The following SAMHD1 variants were observed in gnomAD, a reference collection of about 807,000 sequenced individuals.
The protein encoded by SAMHD1 is SAM and HD domain containing deoxynucleoside triphosphate triphosphohydrolase 1.
SAMHD1 carries 54 observed loss-of-function variants against 79.6 expected under a neutral mutation model. That is an observed-to-expected ratio of 0.68 (90% CI 0.55 to 0.85). The LOEUF is 0.85. Among genes scored for constraint, SAMHD1 ranks in the 40% least tolerant of loss-of-function variants. The pLI is 0.00. For missense variants in SAMHD1, 663 were observed against 782.7 expected (o/e 0.85, Z 1.82); for synonymous variants, 260 against 264.1 (o/e 0.98, Z 0.15).
intron 7 of SAMHD1, 149 bp downstream of exon 7, chr20:36,919,215 T>G: frequency 1.4e-6 from 1 of 719,580 alleles, no homozygotes; most frequent in Admixed American, 2.9e-5. Context: ...AATATAAGCC[T>G]TTTATTTTTT....
intron 15 of SAMHD1, 108 bp from the exon 16 acceptor site, chr20:36,893,174 G>T: frequency 7.3e-7 from 1 of 1,375,036 alleles, no homozygotes; most frequent in Non-Finnish European, 1.0e-6. Flanking sequence ...CATATAGATT[G>T]CTTCTAGCTG....
intron 7 of SAMHD1, chr20:36,917,361 T>C: frequency 3.1e-6 from 1 of 326,140 alleles, no homozygotes; most frequent in Admixed American, 4.5e-5. Context: ...TTTTGAAAAA[T>C]ATAAAATCTA....
intron 12 of SAMHD1, chr20:36,904,567 A>C (rs557924586): frequency 5.9e-6 from 2 of 337,198 alleles, no homozygotes; most frequent in East Asian, 7.7e-5. Context: ...AAATACAAAA[A>C]TTAGCTGGGC....
chr20:36,905,564 T>C lies in SAMHD1; in HGVS notation c.1271-61A>G, dbSNP rs117775256. ...AAAAACACAGAGTTAAAGAATTATA[T>C]AGTGCTATTCTATTGAAATGATCTT... On this transcript the variant is annotated intron_variant, in intron 11 of 15. Transcript: ENST00000646673. The C allele has an allele frequency of 9.1e-4, 1,238 of 1,363,084 alleles. 27 individuals carry two copies. The East Asian group carries it at 0.028, about 31-fold the overall frequency. The allele number at this position is 1,363,084 out of a possible 1,614,324, so 84.4% of individuals were successfully genotyped here. A position where few individuals can be genotyped will look rare whatever the true frequency, so the allele number is the denominator to read the frequency against.
rs765573291 is a variant in SAMHD1, at chr20:36,898,390, A to C, written c.1608+50T>G. The C allele has an allele frequency of 7.3e-6, 10 of 1,365,664 alleles. 1 individual carries two copies. The South Asian group carries it at 1.2e-4, about 16-fold the overall frequency. 84.6% of individuals were successfully genotyped at this position (1,365,664 alleles called of 1,614,324 possible). A position where few individuals can be genotyped will look rare whatever the true frequency, so the allele number is the denominator to read the frequency against. On this transcript the variant is annotated intron_variant, in intron 14 of 15. Transcript: ENST00000646673. Reference sequence around the variant, plus strand: ...GCATATAAAATGCTAATTTACTATAAAGATTTGCTACATGCCACTATAGTA... The same window carrying C: ...GCATATAAAATGCTAATTTACTATACAGATTTGCTACATGCCACTATAGTA...
chr20:36,930,635 A>G (rs922805509), intron 5 of SAMHD1, 125 bp downstream of exon 5: 7 of 765,934 alleles, frequency 9.1e-6, no homozygotes, highest in Non-Finnish European at 1.2e-5. Context: ...CATTTATACT[A>G]ACATCAACTG....
chr20:36,918,573 G>A (rs1187273694), intron 7 of SAMHD1, among the ~76,000 whole-genome samples: 5 of 151,670 alleles, frequency 3.3e-5, no homozygotes, highest in African/African-American at 7.3e-5. Flanking sequence ...AGGCTGAGGC[G>A]GGTGGATCAC....
rs567559677 is a variant in SAMHD1, at chr20:36,928,610, G to A, written c.626-1358C>T. Among the ~76,000 whole-genome samples the A allele has an allele frequency of 4.6e-5, 7 of 151,796 alleles. No homozygotes were observed. In the East Asian group the frequency reaches 5.8e-4, roughly 13 times the overall value. On this transcript the variant is annotated intron_variant, in intron 5 of 15. Coordinates refer to ENST00000646673, the MANE Select transcript of SAMHD1 (RefSeq NM_015474.4). ...TGAGGCAGGAGAATCGCTTGAACCC[G>A]GGAGGCGGAGGTTGCAGTGAGCCGA...
At chr20:36,906,048 G>T (rs140870106) in intron 11 of SAMHD1, among the ~76,000 whole-genome samples, 115 of 152,256 alleles carry the variant, frequency 7.6e-4, no homozygotes, top group African/African-American at 2.6e-3. Flanking sequence ...AGGATAGAGA[G>T]AAATAAGACT....
At chr20:36,921,406 A>AC (rs1005031180) in intron 6 of SAMHD1, among the ~76,000 whole-genome samples, 1 of 151,634 alleles carries the variant, frequency 6.6e-6, no homozygotes, top group Non-Finnish European at 1.5e-5. Flanking sequence ...AAAAAAAAAA[A>AC]AAAAAACGAA....
intron 3 of SAMHD1, among the ~76,000 whole-genome samples, chr20:36,939,075 CAAAAAAAAAA>C (rs1178988134): frequency 3.6e-4 from 8 of 22,532 alleles, no homozygotes; most frequent in Admixed American, 9.0e-4. Flanking sequence ...CTAAAAATAC[CAAAAAAAAAA>C]AAAAAAAAAA....
intron 3 of SAMHD1, among the ~76,000 whole-genome samples, chr20:36,938,056 G>A (rs2063616483): frequency 6.6e-6 from 1 of 151,656 alleles, no homozygotes; most frequent in African/African-American, 2.4e-5. Context: ...GTTTGTAGAT[G>A]GAGTTTCACC....
At chr20:36,944,154 T>C (rs2063667976) in intron 2 of SAMHD1, among the ~76,000 whole-genome samples, 1 of 149,340 alleles carries the variant, frequency 6.7e-6, no homozygotes, top group South Asian at 2.1e-4. Flanking sequence ...GAGACCATCC[T>C]GGCTAACACG....
At chr20:36,951,405 C>T in intron 1 of SAMHD1, 31 bp downstream of exon 1, 1 of 1,611,892 alleles carries the variant, frequency 6.2e-7, no homozygotes, top group Non-Finnish European at 8.5e-7. Context: ...GGTCGCCGCC[C>T]TTCGCCCCTC....
At position 36,933,215 on chromosome 20, in the gene SAMHD1, T is replaced by C. The variant is rs531183508; in HGVS notation, c.509+1814A>G. ...AAAGTAATATACTGTGAGTACTTCA[T>C]GAAAATCTCAAAGACTGTCTATTCT... On this transcript the variant is annotated intron_variant, in intron 4 of 15. Coordinates refer to ENST00000646673, the MANE Select transcript of SAMHD1 (RefSeq NM_015474.4). 5.9e-5 allele frequency among the ~76,000 whole-genome samples: 9 copies of C among 152,328 alleles called. No individual in the cohort carries two copies. The East Asian group carries it at 1.4e-3, about 23-fold the overall frequency.
At chr20:36,937,730 T>C (rs1018843016) in intron 3 of SAMHD1, among the ~76,000 whole-genome samples, 2 of 152,230 alleles carry the variant, frequency 1.3e-5, no homozygotes, top group African/African-American at 4.8e-5. Context: ...CTTGTTGAAC[T>C]GCATTGCTGA....
At chr20:36,900,089 G>A (rs558505893) in intron 13 of SAMHD1, among the ~76,000 whole-genome samples, 10 of 132,564 alleles carry the variant, frequency 7.5e-5, no homozygotes, top group South Asian at 2.6e-4. Context: ...GTGAGACTCC[G>A]TCTCAAAAAA....
intron 10 of SAMHD1, 45 bp downstream of exon 10, chr20:36,912,416 G>A (rs758500502): frequency 1.1e-5 from 14 of 1,268,234 alleles, no homozygotes; most frequent in Non-Finnish European, 1.6e-5. Flanking sequence ...CTCTAGCCAA[G>A]TATCAAGGAA....
chr20:36,948,640 G>A (rs185185744), intron 1 of SAMHD1, among the ~76,000 whole-genome samples: 56 of 151,490 alleles, frequency 3.7e-4, no homozygotes, highest in Middle Eastern at 3.4e-3. Context: ...AGGCCAAGGC[G>A]TGTGAATCAT....
Sources: gnomAD v4.1 joint callset for allele counts (sites outside exome capture counted in the v4.1 genomes callset) on GRCh38, gnomAD v4.1.1 for gene constraint, MANE v1.5 for transcripts, NCBI Gene and HGNC (gene_info 2026-07-23, HGNC 2026-07-21) for gene names.